RANBP2: variants seen among roughly 807,000 people sequenced by gnomAD.
The protein encoded by RANBP2 is RAN binding protein 2.
Under a neutral mutation model 303.6 loss-of-function variants are expected in RANBP2, and 57 were observed. The observed-to-expected ratio is 0.19, with a 90% CI of 0.15 to 0.23. RANBP2 has a LOEUF of 0.23. Ranked by LOEUF, RANBP2 falls within the 10% of genes least tolerant of loss-of-function variation. The pLI is 1.00. For synonymous variants in RANBP2, 1,167 were observed against 1,301.5 expected, an observed-to-expected ratio of 0.90 and a Z score of 2.23; for missense variants, 3,138 against 3,780.8, an observed-to-expected ratio of 0.83 and a Z score of 4.46.
At chr2:109,031,123 G>A in the RANBP2 span, among the ~76,000 whole-genome samples, 1 of 152,074 alleles carries the variant, frequency 6.6e-6, no homozygotes, top group African/African-American at 2.4e-5. Flanking sequence ...TAAGAACTCC[G>A]GGTCCCTAAG....
chr2:109,510,482 C>T, the RANBP2 span, among the ~76,000 whole-genome samples: 2 of 152,196 alleles, frequency 1.3e-5, no homozygotes, highest in African/African-American at 4.8e-5. Flanking sequence ...GGGAAGCCTT[C>T]CACATGTCCT....
intron 20 of RANBP2, among the ~76,000 whole-genome samples, chr2:108,770,655 G>A (rs1677433466): frequency 6.6e-6 from 1 of 151,940 alleles, no homozygotes; most frequent in Non-Finnish European, 1.5e-5. Flanking sequence ...TTTTCTAGTA[G>A]CCATATTAAA....
At chr2:109,226,199 C>G in the RANBP2 span, among the ~76,000 whole-genome samples, 1 of 152,218 alleles carries the variant, frequency 6.6e-6, no homozygotes, top group African/African-American at 2.4e-5. Context: ...CACAGCTCTG[C>G]TTGTCAACAT....
intron 1 of RANBP2, among the ~76,000 whole-genome samples, chr2:108,727,211 C>T (rs1014235465): frequency 5.3e-5 from 8 of 152,068 alleles, no homozygotes; most frequent in African/African-American, 1.4e-4. Flanking sequence ...TAGGGGCGGC[C>T]GGGCAGAGGC....
the RANBP2 span, chr2:109,129,232 C>A: frequency 1.8e-6 from 1 of 557,080 alleles, no homozygotes. Context: ...TCGTGCCCGG[C>A]AGCACCCCCG....
chr2:109,571,756 T>C, the RANBP2 span, among the ~76,000 whole-genome samples: 1 of 152,160 alleles, frequency 6.6e-6, no homozygotes, highest in African/African-American at 2.4e-5. Context: ...AGGAAGCATC[T>C]AGAACTAGTT....
At chr2:108,813,783 C>T in the RANBP2 span, among the ~76,000 whole-genome samples, 96 of 152,268 alleles carry the variant, frequency 6.3e-4, no homozygotes, top group African/African-American at 2.2e-3. Context: ...CTCTAATACC[C>T]TTTCCTGGTC....
At chr2:108,734,082 G>C (rs978328144) in intron 4 of RANBP2, among the ~76,000 whole-genome samples, 2 of 151,946 alleles carry the variant, frequency 1.3e-5, no homozygotes, top group African/African-American at 4.8e-5. Context: ...TAGGGCTTTT[G>C]CAATAGGGAG....
chr2:109,390,671 G>A, the RANBP2 span, among the ~76,000 whole-genome samples: 1 of 152,304 alleles, frequency 6.6e-6, no homozygotes, highest in South Asian at 2.1e-4. Flanking sequence ...TTCTGCTGGC[G>A]AGACCCATGG....
chr2:109,597,230 C>T, the RANBP2 span, among the ~76,000 whole-genome samples: 5 of 152,162 alleles, frequency 3.3e-5, no homozygotes, highest in African/African-American at 4.8e-5. Context: ...CATGAGCCAC[C>T]GTGCCTGGCT....
the RANBP2 span, among the ~76,000 whole-genome samples, chr2:109,414,860 G>A: frequency 6.6e-6 from 1 of 152,236 alleles, no homozygotes; most frequent in Non-Finnish European, 1.5e-5. Flanking sequence ...TCTTGTTGGT[G>A]GAGAAGGGAC....
the RANBP2 span, chr2:108,794,818 C>A: frequency 1.0e-6 from 1 of 970,292 alleles, no homozygotes; most frequent in Non-Finnish European, 1.5e-6. Flanking sequence ...ATTTTAATTA[C>A]TTTAGATAAG....
the RANBP2 span, among the ~76,000 whole-genome samples, chr2:109,271,764 T>C: frequency 6.6e-6 from 1 of 152,270 alleles, no homozygotes; most frequent in Non-Finnish European, 1.5e-5. Context: ...ATTGGACTTT[T>C]GTGGTATCAG....
At chr2:109,111,878 C>A in the RANBP2 span, among the ~76,000 whole-genome samples, 1 of 149,446 alleles carries the variant, frequency 6.7e-6, no homozygotes, top group Non-Finnish European at 1.5e-5. Flanking sequence ...TGAGAATATG[C>A]GGTGTTTGTT....
At chr2:109,570,566 C>T in the RANBP2 span, among the ~76,000 whole-genome samples, 1 of 151,796 alleles carries the variant, frequency 6.6e-6, no homozygotes, top group Non-Finnish European at 1.5e-5. Context: ...GCTCTGTTGC[C>T]CAGGCTGGAG....
At chr2:109,217,476 C>G in the RANBP2 span, among the ~76,000 whole-genome samples, 1 of 152,198 alleles carries the variant, frequency 6.6e-6, no homozygotes, top group Non-Finnish European at 1.5e-5. Flanking sequence ...GGTAAATAGA[C>G]TCACTCCACA....
chr2:109,325,724 G>A, the RANBP2 span, among the ~76,000 whole-genome samples: 4 of 152,140 alleles, frequency 2.6e-5, no homozygotes, highest in African/African-American at 9.7e-5. Flanking sequence ...ATCACTACAT[G>A]TTCCTTGGAA....
chr2:109,367,705 T>C, the RANBP2 span, among the ~76,000 whole-genome samples: 2 of 152,250 alleles, frequency 1.3e-5, no homozygotes, highest in Non-Finnish European at 1.5e-5. Flanking sequence ...ACCAGTCCCC[T>C]TTTGCTTTGC....
At chr2:109,055,137 C>A in the RANBP2 span, among the ~76,000 whole-genome samples, 1 of 152,152 alleles carries the variant, frequency 6.6e-6, no homozygotes, top group Non-Finnish European at 1.5e-5. Flanking sequence ...CTTGCATTTT[C>A]ACGATGACTA....
Sources: gnomAD v4.1 joint callset for allele counts (sites outside exome capture counted in the v4.1 genomes callset) on GRCh38, gnomAD v4.1.1 for gene constraint, MANE v1.5 for transcripts, NCBI Gene and HGNC (gene_info 2026-07-23, HGNC 2026-07-21) for gene names.